Variants in USP47 observed in about 807,000 individuals in gnomAD.
USP47 encodes ubiquitin carboxyl-terminal hydrolase 47.
Under a neutral mutation model 165.1 loss-of-function variants are expected in USP47, and 35 were observed. The ratio of observed to expected loss-of-function variants is 0.21; its 90% CI spans 0.16 to 0.28. The LOEUF is 0.28. Among genes scored for constraint, USP47 ranks in the 10% least tolerant of loss-of-function variants. USP47 has a pLI of 1.00. For synonymous variants in USP47, 531 were observed against 544.5 expected (o/e 0.98, Z 0.35); for missense variants, 1,277 against 1,607.4 (o/e 0.79, Z 3.52).
rs148238084 is a variant in USP47 at position 11,948,069 on chromosome 11, T to C, written c.3216T>C (p.Phe1072=). Residue 1072 remains phenylalanine (F), a synonymous_variant, in exon 21 of 28, where the codon TTT becomes TTC. Coordinates refer to ENST00000527733, the MANE Select transcript of USP47 (RefSeq NM_001282659.2). ...VFRVYASNQE[F]ESVRLNETLS... Reference sequence around the variant, plus strand: ...GAGTGTATGCCAGCAATCAAGAGTTTGAGAGCGTCCGGCTGAATGAGACAC... The same window carrying C: ...GAGTGTATGCCAGCAATCAAGAGTTCGAGAGCGTCCGGCTGAATGAGACAC... 521 of 1,613,732 alleles carry C rather than the reference T, an allele frequency of 3.2e-4. 5 individuals carry two copies. The East Asian group carries it at 0.01, about 32-fold the overall frequency.
At chr11:11,845,622 T>A (rs1848384506) in intron 1 of USP47, among the ~76,000 whole-genome samples, 2 of 152,180 alleles carry the variant, frequency 1.3e-5, no homozygotes, top group Admixed American at 1.3e-4. Context: ...GTACTATAGG[T>A]TTAAGACAGT....
At chr11:11,932,041 C>T (rs1035216902) in intron 14 of USP47, among the ~76,000 whole-genome samples, 2 of 152,178 alleles carry the variant, frequency 1.3e-5, no homozygotes, top group Non-Finnish European at 2.9e-5. Context: ...AATTGTCTCA[C>T]AGTTCTGCAG....
At chr11:11,906,582 T>A (rs1442031002) in intron 8 of USP47, among the ~76,000 whole-genome samples, 1 of 152,148 alleles carries the variant, frequency 6.6e-6, no homozygotes, top group African/African-American at 2.4e-5. Context: ...AGCAAGCATC[T>A]AAGTAAAAGA....
intron 11 of USP47, among the ~76,000 whole-genome samples, chr11:11,928,487 G>T (rs986120554): frequency 6.6e-6 from 1 of 152,102 alleles, no homozygotes; most frequent in Middle Eastern, 3.4e-3. Flanking sequence ...GTTATAGAAG[G>T]CTCTACAATG....
At chr11:11,929,932 C>T (rs1854528939) in intron 12 of USP47, 112 bp from the exon 13 acceptor site, 1 of 859,354 alleles carries the variant, frequency 1.2e-6, no homozygotes, top group East Asian at 2.6e-5. Context: ...TGTGAGCAAT[C>T]ATGAAGGTCT....
In USP47 at chr11:11,892,071, A is replaced by G. The variant is rs774948221; in HGVS notation, c.461A>G (p.Tyr154Cys). Residue 154 changes from tyrosine to cysteine, a missense_variant, in exon 4 of 28, where the codon TAC (tyrosine) becomes TGC (cysteine). Tyr to Cys is a radical substitution (Grantham distance 194). Transcript: ENST00000527733. The stretch of plus-strand genomic sequence containing the variant: ...ACCAGTGATTATGTCAGCCAAAGCT[A>G]CTCCTACTCATCTATTTTGAATAAA... ...GSTSDYVSQS[Y>C]SYSSILNKSE... 15 of 1,613,428 alleles carry G rather than the reference A, an allele frequency of 9.3e-6. No individual in the cohort carries two copies. The South Asian group carries it at 1.4e-4, about 15-fold the overall frequency.
intron 2 of USP47, among the ~76,000 whole-genome samples, chr11:11,881,725 TAAAC>T (rs1441305499): frequency 3.9e-5 from 6 of 152,132 alleles, no homozygotes; most frequent in Non-Finnish European, 7.4e-5. Context: ...ACTACCAAAA[TAAAC>T]AATTGCAATT....
At position 11,958,412 on chromosome 11, in the gene USP47, T is replaced by G. The variant is rs1207353980; in HGVS notation, c.*2237T>G. ...AGAGTGAAAACACAAAGTTGCACTT[T>G]AATAATTTCAATAAAAGCTAATCTG... On this transcript the variant is annotated 3_prime_UTR_variant, in exon 28 of 28. Coordinates refer to ENST00000527733, the MANE Select transcript of USP47 (RefSeq NM_001282659.2). 6.6e-6 allele frequency: 1 copy of G among 152,246 alleles called. No individual in the cohort carries two copies. The highest frequency in any genetic ancestry group is 2.4e-5 in the African/African-American group (1 of 41,464). The allele number at this position is 152,246 out of a possible 1,614,324, so 9.4% of individuals were successfully genotyped here.
At chr11:11,915,172 A>C (rs1853319847) in intron 8 of USP47, among the ~76,000 whole-genome samples, 1 of 152,208 alleles carries the variant, frequency 6.6e-6, no homozygotes, top group Non-Finnish European at 1.5e-5. Context: ...ACTATTAATA[A>C]ACACAAAAAC....
At chr11:11,859,061 T>C (rs1849226709) in intron 1 of USP47, among the ~76,000 whole-genome samples, 1 of 152,202 alleles carries the variant, frequency 6.6e-6, no homozygotes, top group Admixed American at 6.5e-5. Context: ...TTAACCATTT[T>C]ATTAAGTGTG....
At chr11:11,929,404 C>T in intron 11 of USP47, 30 bp from the exon 12 acceptor site, 1 of 1,606,284 alleles carries the variant, frequency 6.2e-7, no homozygotes, top group Non-Finnish European at 8.5e-7. Context: ...TTTCCTTCTC[C>T]TCTGAGTTAC....
chr11:11,916,078 C>G (rs550156373), intron 8 of USP47, among the ~76,000 whole-genome samples: 1 of 152,040 alleles, frequency 6.6e-6, no homozygotes, highest in Non-Finnish European at 1.5e-5. Flanking sequence ...TGGAATAACC[C>G]GTATTGTTTT....
intron 1 of USP47, among the ~76,000 whole-genome samples, chr11:11,855,356 G>A (rs1848980170): frequency 6.6e-6 from 1 of 152,214 alleles, no homozygotes. Flanking sequence ...TAGCTCTGGT[G>A]TAGAACTAGT....
chr11:11,849,185 G>C (rs1172871164), intron 1 of USP47, among the ~76,000 whole-genome samples: 1 of 152,184 alleles, frequency 6.6e-6, no homozygotes, highest in African/African-American at 2.4e-5. Flanking sequence ...CTATAGGCGT[G>C]AGCCACCATG....
At chr11:11,955,920 G>C (rs1333644822) in intron 27 of USP47, 81 bp from the exon 28 acceptor site, 1 of 1,095,114 alleles carries the variant, frequency 9.1e-7, no homozygotes, top group South Asian at 1.8e-5. Context: ...TCTTGCTGAG[G>C]AGCATCATAG....
intron 18 of USP47, among the ~76,000 whole-genome samples, chr11:11,939,803 A>C: frequency 6.6e-6 from 1 of 152,038 alleles, no homozygotes; most frequent in Non-Finnish European, 1.5e-5. Context: ...ATTTTTAACC[A>C]GCCTGCTTAA....
intron 20 of USP47, among the ~76,000 whole-genome samples, chr11:11,946,086 G>T (rs1590446783): frequency 6.6e-6 from 1 of 152,108 alleles, no homozygotes. Context: ...AGGAAAAATG[G>T]TACAATAGTA....
intron 1 of USP47, among the ~76,000 whole-genome samples, chr11:11,851,701 A>T (rs1848736920): frequency 6.6e-6 from 1 of 152,056 alleles, no homozygotes. Context: ...AGGATACCAC[A>T]TTGCATTTGG....
chr11:11,942,433 A>T lies in USP47; in HGVS notation c.2412A>T (p.Leu804Phe). The part of the protein sequence containing the change: ...LLDRHANTIR[L>F]FVLLPEQSPV... ...ATCGGCATGCAAATACAATCAGATT[A>T]TTTGTTTTGCTACCTGAACAATCCC... is the stretch of plus-strand genomic sequence containing the variant. The change falls in exon 20 of 28, where the codon TTA becomes TTT. Residue 804 changes from leucine (L) to phenylalanine (F), a missense_variant. Physicochemically the swap from Leu to Phe is conservative, Grantham distance 22. Around this residue, in one of 4 missense-constraint regions of USP47, gnomAD observed 909 missense variants for 1,068.1 expected, o/e 0.85. Transcript: ENST00000527733. 2 of 1,613,606 alleles carry T rather than the reference A, an allele frequency of 1.2e-6. No homozygotes were observed. Among genetic ancestry groups the T allele is most frequent in the Non-Finnish European group, 1.7e-6 (2 of 1,179,684 alleles).
Sources: gnomAD v4.1 joint callset for allele counts (sites outside exome capture counted in the v4.1 genomes callset) on GRCh38, gnomAD v4.1.1 for gene constraint, gnomAD v4.1.1 regional missense constraint, MANE v1.5 for transcripts, NCBI Gene and HGNC (gene_info 2026-07-23, HGNC 2026-07-21) for gene names.